AGBL4: variants seen among roughly 807,000 people sequenced by gnomAD.
The protein encoded by AGBL4 is cytosolic carboxypeptidase 6.
A neutral mutation model predicts 66.4 loss-of-function variants in AGBL4; 58 were observed. The ratio of observed to expected loss-of-function variants is 0.87; its 90% CI spans 0.71 to 1.09. The LOEUF (loss-of-function observed/expected upper bound fraction) is 1.09, where lower values mean the gene tolerates loss of function less well. Ranked by LOEUF, AGBL4 falls within the 50% of genes least tolerant of loss-of-function variation. AGBL4 has a pLI of 0.00. For synonymous variants in AGBL4, 234 were observed against 222.9 expected (o/e 1.05, Z -0.44); for missense variants, 579 against 631.0 (o/e 0.92, Z 0.88).
At chr1:49,434,102 T>C (rs976379888) in intron 3 of AGBL4, among the ~76,000 whole-genome samples, 1 of 152,202 alleles carries the variant, frequency 6.6e-6, no homozygotes, top group African/African-American at 2.4e-5. Context: ...CCCTGTAGCA[T>C]ATACTTGGGA....
At chr1:49,048,998 C>G (rs1644147236) in intron 4 of AGBL4, among the ~76,000 whole-genome samples, 1 of 152,088 alleles carries the variant, frequency 6.6e-6, no homozygotes, top group Non-Finnish European at 1.5e-5. Flanking sequence ...TACTCTCTTG[C>G]TAAAAACCTT....
At chr1:48,641,639 A>T (rs765351018) in intron 8 of AGBL4, among the ~76,000 whole-genome samples, 37 of 152,126 alleles carry the variant, frequency 2.4e-4, no homozygotes, top group Non-Finnish European at 4.9e-4. Flanking sequence ...AATCTATTTC[A>T]TTTGCCACTG....
intron 4 of AGBL4, among the ~76,000 whole-genome samples, chr1:49,150,982 A>T (rs911920090): frequency 6.6e-6 from 1 of 152,070 alleles, no homozygotes; most frequent in Non-Finnish European, 1.5e-5. Flanking sequence ...AAATATATAC[A>T]TATAGGCCAG....
At chr1:49,673,249 T>A (rs1180910251) in intron 3 of AGBL4, among the ~76,000 whole-genome samples, 2 of 152,160 alleles carry the variant, frequency 1.3e-5, no homozygotes, top group Non-Finnish European at 1.5e-5. Flanking sequence ...TTCTTATTCT[T>A]TCCAAATCTT....
chr1:49,760,388 G>A (rs749622299), intron 2 of AGBL4, among the ~76,000 whole-genome samples: 3 of 152,008 alleles, frequency 2.0e-5, no homozygotes, highest in African/African-American at 4.8e-5. Flanking sequence ...TGTCCTGAAT[G>A]GTATTATGCG....
intron 3 of AGBL4, among the ~76,000 whole-genome samples, chr1:49,258,356 C>G (rs1443302959): frequency 1.3e-5 from 2 of 152,124 alleles, no homozygotes; most frequent in Non-Finnish European, 2.9e-5. Context: ...TCAAACTACT[C>G]CGAGCTACAG....
chr1:49,949,377 A>ATTT (rs1655863510), intron 1 of AGBL4, among the ~76,000 whole-genome samples: 1 of 151,924 alleles, frequency 6.6e-6, no homozygotes, highest in Admixed American at 6.6e-5. Context: ...GGACTTAATT[A>ATTT]AAGAGCTTTT....
chr1:49,968,591 A>G (rs1387038945), intron 1 of AGBL4, among the ~76,000 whole-genome samples: 1 of 152,178 alleles, frequency 6.6e-6, no homozygotes, highest in East Asian at 1.9e-4. Flanking sequence ...CTACTAAAAT[A>G]TTTATTTCCC....
At chr1:48,896,777 C>CT (rs56039901) in intron 5 of AGBL4, among the ~76,000 whole-genome samples, 128,943 of 150,344 alleles carry the variant, frequency 0.86, 56,544 homozygotes, top group Non-Finnish European at 0.96. Context: ...TCCTTTCTTT[C>CT]TTTTTTTTTA....
intron 6 of AGBL4, among the ~76,000 whole-genome samples, chr1:48,756,020 A>C (rs556920615): frequency 6.6e-6 from 1 of 152,350 alleles, no homozygotes; most frequent in East Asian, 1.9e-4. Flanking sequence ...AGCCAAAGTT[A>C]ACCCTGTCTT....
intron 4 of AGBL4, among the ~76,000 whole-genome samples, chr1:49,224,392 C>T (rs530371281): frequency 6.6e-6 from 1 of 152,082 alleles, no homozygotes; most frequent in South Asian, 2.1e-4. Flanking sequence ...CCAAGGCAGG[C>T]AGATCACGAG....
chr1:48,716,334 G>T (rs1369209027), intron 6 of AGBL4, among the ~76,000 whole-genome samples: 3 of 152,110 alleles, frequency 2.0e-5, no homozygotes, highest in East Asian at 1.9e-4. Flanking sequence ...TTGAATCCTG[G>T]CTCTGCCCAT....
intron 12 of AGBL4, among the ~76,000 whole-genome samples, chr1:48,538,970 T>C (rs1302844579): frequency 3.3e-5 from 5 of 152,108 alleles, no homozygotes; most frequent in South Asian, 2.1e-4. Flanking sequence ...GATGTCACTG[T>C]TCTCATGCTA....
chr1:48,850,474 C>A (rs924142246), intron 6 of AGBL4, among the ~76,000 whole-genome samples: 2 of 152,174 alleles, frequency 1.3e-5, no homozygotes, highest in Non-Finnish European at 1.5e-5. Context: ...TATCTCATCC[C>A]AATACTCATT....
chr1:49,778,097 C>G (rs1011949133), intron 2 of AGBL4, among the ~76,000 whole-genome samples: 3 of 152,166 alleles, frequency 2.0e-5, no homozygotes, highest in African/African-American at 7.2e-5. Flanking sequence ...GCAAGTACAT[C>G]TGAGATAATT....
chr1:49,260,612 A>G (rs1191745458), intron 3 of AGBL4, among the ~76,000 whole-genome samples: 1 of 152,174 alleles, frequency 6.6e-6, no homozygotes, highest in Admixed American at 6.5e-5. Flanking sequence ...AACCAGGAAG[A>G]AGTTGAATCT....
At chr1:49,513,308 A>T (rs1649447039) in intron 3 of AGBL4, among the ~76,000 whole-genome samples, 1 of 152,010 alleles carries the variant, frequency 6.6e-6, no homozygotes, top group African/African-American at 2.4e-5. Flanking sequence ...ATACGGGGGT[A>T]CATGTGCAGA....
intron 2 of AGBL4, among the ~76,000 whole-genome samples, chr1:49,747,753 T>A (rs936409637): frequency 3.3e-5 from 5 of 152,194 alleles, no homozygotes; most frequent in Admixed American, 2.6e-4. Context: ...AGATATCGAC[T>A]GATCTATCGA....
chr1:48,602,438 C>A (rs900244339), intron 9 of AGBL4, among the ~76,000 whole-genome samples: 1 of 152,090 alleles, frequency 6.6e-6, no homozygotes, highest in Non-Finnish European at 1.5e-5. Context: ...TTTCATTTGG[C>A]CTCTAATTGA....
Sources: gnomAD v4.1 joint callset for allele counts (sites outside exome capture counted in the v4.1 genomes callset) on GRCh38, gnomAD v4.1.1 for gene constraint, MANE v1.5 for transcripts, NCBI Gene and HGNC (gene_info 2026-07-23, HGNC 2026-07-21) for gene names.